PACRG: variants seen among roughly 807,000 people sequenced by gnomAD.
PACRG encodes the protein parkin coregulated.
Under a neutral mutation model 29.7 loss-of-function variants are expected in PACRG, and 29 were observed. The ratio of observed to expected loss-of-function variants is 0.98; its 90% CI spans 0.73 to 1.33. The LOEUF is 1.33. PACRG is among the 40% of genes most tolerant of loss of function. The probability of loss-of-function intolerance (pLI) is 0.00; values close to 1 mark genes in which losing one functional copy is unlikely to be tolerated. For synonymous variants in PACRG, 116 were observed against 118.7 expected (o/e 0.98, Z 0.15); for missense variants, 279 against 316.2 (o/e 0.88, Z 0.89).
intron 4 of PACRG, among the ~76,000 whole-genome samples, chr6:163,123,430 G>C (rs1296211266): frequency 6.6e-6 from 1 of 152,222 alleles, no homozygotes; most frequent in Non-Finnish European, 1.5e-5. Flanking sequence ...GAAAGGAAAT[G>C]GTTTGGGGGG....
chr6:163,155,650 C>A (rs531576429), intron 4 of PACRG, among the ~76,000 whole-genome samples: 1 of 152,332 alleles, frequency 6.6e-6, no homozygotes, highest in South Asian at 2.1e-4. Context: ...CTAAGAAGTT[C>A]ATTTAAAATA....
At chr6:162,871,882 A>C (rs1792845352) in intron 2 of PACRG, among the ~76,000 whole-genome samples, 1 of 151,942 alleles carries the variant, frequency 6.6e-6, no homozygotes, top group Non-Finnish European at 1.5e-5. Context: ...GTGCCACTGC[A>C]CTCCAGCCTG....
intron 2 of PACRG, among the ~76,000 whole-genome samples, chr6:162,942,971 G>A (rs1384072870): frequency 6.6e-6 from 1 of 152,236 alleles, no homozygotes; most frequent in African/African-American, 2.4e-5. Context: ...AAGGCAGCCA[G>A]CTCAGCTGGG....
intron 2 of PACRG, among the ~76,000 whole-genome samples, chr6:162,849,840 T>A (rs1386091132): frequency 6.6e-6 from 1 of 152,248 alleles, no homozygotes; most frequent in East Asian, 1.9e-4. Context: ...AAATAGTCGC[T>A]AATCAATATT....
intron 2 of PACRG, among the ~76,000 whole-genome samples, chr6:163,059,211 TCTCA>T (rs983526222): frequency 1.2e-4 from 19 of 152,228 alleles, no homozygotes; most frequent in Non-Finnish European, 2.2e-4. Flanking sequence ...TCTCAATCTC[TCTCA>T]CTCGCTCAAT....
At chr6:163,121,984 T>C (rs1268531887) in intron 4 of PACRG, among the ~76,000 whole-genome samples, 1 of 152,024 alleles carries the variant, frequency 6.6e-6, no homozygotes, top group Non-Finnish European at 1.5e-5. Context: ...CTCTTTCTCT[T>C]TTTTCTTTTC....
rs141835028 is a variant in PACRG, at chr6:162,862,815, C to T, written c.291+48534C>T. Among the ~76,000 whole-genome samples the T allele has an allele frequency of 3.5e-3, 535 of 152,314 alleles. 3 individuals are homozygous for T. The highest frequency in any genetic ancestry group is 6.0e-3 in the Non-Finnish European group (407 of 68,034). On this transcript the variant is annotated intron_variant, in intron 2 of 4. Coordinates refer to ENST00000366888, the MANE Select transcript of PACRG (RefSeq NM_001080379.2). Reference sequence around the variant, plus strand: ...CCAGGCTGCAAGGCATCTCTCTCTGCTGCTTGTGCAGACTGGCTGGGGTGA... The same window carrying T: ...CCAGGCTGCAAGGCATCTCTCTCTGTTGCTTGTGCAGACTGGCTGGGGTGA...
At chr6:162,885,874 T>G (rs1378805926) in intron 2 of PACRG, among the ~76,000 whole-genome samples, 1 of 152,158 alleles carries the variant, frequency 6.6e-6, no homozygotes, top group Non-Finnish European at 1.5e-5. Context: ...TGTCTTAGAG[T>G]GCATTTCCTA....
chr6:162,985,159 T>C (rs1802777778), intron 2 of PACRG, among the ~76,000 whole-genome samples: 1 of 152,038 alleles, frequency 6.6e-6, no homozygotes, highest in Non-Finnish European at 1.5e-5. Flanking sequence ...ATATTGACAC[T>C]ATTCCAAAAG....
At chr6:162,852,913 C>T (rs1205224439) in intron 2 of PACRG, among the ~76,000 whole-genome samples, 1 of 152,204 alleles carries the variant, frequency 6.6e-6, no homozygotes, top group East Asian at 1.9e-4. Flanking sequence ...AAGCCAAAAA[C>T]TAGAAACTGC....
At chr6:163,089,656 A>G (rs989694249) in intron 4 of PACRG, among the ~76,000 whole-genome samples, 1 of 147,208 alleles carries the variant, frequency 6.8e-6, no homozygotes, top group East Asian at 2.1e-4. Context: ...AAGCAGTTCT[A>G]TAAACTTCCA....
chr6:163,222,634 G>A (rs922702846), intron 4 of PACRG, among the ~76,000 whole-genome samples: 1 of 152,030 alleles, frequency 6.6e-6, no homozygotes, highest in Non-Finnish European at 1.5e-5. Flanking sequence ...TTTTAAACAC[G>A]TTCACAAATA....
chr6:162,765,407 A>G (rs1399660509), intron 1 of PACRG, among the ~76,000 whole-genome samples: 1 of 151,342 alleles, frequency 6.6e-6, no homozygotes, highest in Admixed American at 6.6e-5. Context: ...CCCCAACTAA[A>G]CCCTCCAGGT....
chr6:162,884,179 A>T (rs1351573740), intron 2 of PACRG, among the ~76,000 whole-genome samples: 1 of 152,156 alleles, frequency 6.6e-6, no homozygotes, highest in Non-Finnish European at 1.5e-5. Context: ...GGCTCAAGTG[A>T]TCTGCCTGCC....
At chr6:162,983,449 A>T (rs1802603703) in intron 2 of PACRG, among the ~76,000 whole-genome samples, 1 of 151,858 alleles carries the variant, frequency 6.6e-6, no homozygotes, top group Non-Finnish European at 1.5e-5. Flanking sequence ...GGGTATTTCA[A>T]GGTTTTGTTT....
At chr6:163,239,954 ACACT>A (rs1401079462) in intron 4 of PACRG, among the ~76,000 whole-genome samples, 17 of 125,486 alleles carry the variant, frequency 1.4e-4, no homozygotes, top group African/African-American at 4.9e-4. Context: ...CCCCCCCCAC[ACACT>A]CACACTCCCA....
chr6:163,111,767 T>A (rs1815726559), intron 4 of PACRG, among the ~76,000 whole-genome samples: 1 of 152,250 alleles, frequency 6.6e-6, no homozygotes, highest in South Asian at 2.1e-4. Flanking sequence ...CTCTTGTCTT[T>A]TCTATTTTTA....
chr6:162,997,657 T>C (rs1477278814), intron 2 of PACRG: 1 of 232,632 alleles, frequency 4.3e-6, no homozygotes, highest in Non-Finnish European at 8.7e-6. Context: ...CACTAGATTA[T>C]TCTTCAAAGT....
chr6:163,166,130 T>C (rs1429990247), intron 4 of PACRG: 1 of 456,272 alleles, frequency 2.2e-6, no homozygotes, highest in Non-Finnish European at 4.4e-6. Flanking sequence ...GCGGGGTTTC[T>C]GGGCAGCGTC....
Sources: gnomAD v4.1 joint callset for allele counts (sites outside exome capture counted in the v4.1 genomes callset) on GRCh38, gnomAD v4.1.1 for gene constraint, MANE v1.5 for transcripts, NCBI Gene and HGNC (gene_info 2026-07-23, HGNC 2026-07-21) for gene names.